GYS2: variants seen among roughly 807,000 people sequenced by gnomAD.
GYS2 encodes the protein glycogen synthase 2.
In GYS2, 80 loss-of-function variants were observed where a neutral mutation model predicts 85.6. That is an observed-to-expected ratio of 0.93 (90% CI 0.78 to 1.13). GYS2 has a LOEUF of 1.13. Ranked by LOEUF, GYS2 falls within the 50% of genes most tolerant of loss-of-function variation. GYS2 has a pLI of 0.00. For synonymous variants in GYS2, 328 were observed against 300.7 expected, an observed-to-expected ratio of 1.09 and a Z score of -0.94; for missense variants, 881 against 854.9, an observed-to-expected ratio of 1.03 and a Z score of -0.38.
Position 21,563,230 on chromosome 12 carries a change from A to T in GYS2, c.939T>A (p.Tyr313Ter). Residue 313 changes from tyrosine (Y) to a stop codon, truncating the protein, a stop_gained and splice_region_variant, in exon 6 of 16, where the codon TAT becomes TAA. Transcript: ENST00000261195. LOFTEE classifies it high-confidence loss of function. ...RIQDFVRGHF[Y>*]GHLDFDLEKT... ...CTTTTTAATAAAGAAAATCATACCC[A>T]TAGAAATGACCTCGAACAAAATCTT... The T allele has an allele frequency of 1.9e-6, 3 of 1,570,628 alleles. No individual in the cohort carries two copies. The highest frequency in any genetic ancestry group is 2.6e-6 in the Non-Finnish European group (3 of 1,140,442).
chr12:21,588,687 G>A (rs1944600587), intron 1 of GYS2, among the ~76,000 whole-genome samples: 1 of 152,214 alleles, frequency 6.6e-6, no homozygotes, highest in Non-Finnish European at 1.5e-5. Context: ...TAGAACACAT[G>A]AGGAGGAAGC....
intron 11 of GYS2, among the ~76,000 whole-genome samples, chr12:21,554,885 G>A (rs1944159221): frequency 6.6e-6 from 1 of 152,126 alleles, no homozygotes; most frequent in African/African-American, 2.4e-5. Flanking sequence ...GATCAGCAAG[G>A]CATTCTTCAT....
intron 14 of GYS2, 94 bp downstream of exon 14, chr12:21,540,316 T>C (rs1943957214): frequency 9.3e-7 from 1 of 1,069,896 alleles, no homozygotes; most frequent in Non-Finnish European, 1.4e-6. Flanking sequence ...ATTATAATAT[T>C]GGATTAACTT....
chr12:21,561,613 TAAATA>T (rs1944254220), intron 7 of GYS2, among the ~76,000 whole-genome samples: 1 of 152,178 alleles, frequency 6.6e-6, no homozygotes, highest in Non-Finnish European at 1.5e-5. Flanking sequence ...TTCATATCTA[TAAATA>T]AAGTGAATAT....
chr12:21,533,808 G>A (rs1943886294), downstream of GYS2, among the ~76,000 whole-genome samples: 1 of 152,176 alleles, frequency 6.6e-6, no homozygotes, highest in African/African-American at 2.4e-5. Context: ...AAACTGTGTG[G>A]CTTATAAACA....
intron 1 of GYS2, among the ~76,000 whole-genome samples, chr12:21,585,963 G>A (rs975963413): frequency 6.6e-6 from 1 of 152,266 alleles, no homozygotes; most frequent in South Asian, 2.1e-4. Flanking sequence ...GATAATGTAT[G>A]ACCTCAGGGG....
rs1320083406 is a variant in GYS2 at position 21,580,778 on chromosome 12, CAA to C, written c.122-257_122-256del. Reference sequence around the variant, plus strand: ...GTGAAATAGCAGCAGGCTGATGCCGCAAAGAGGTCAAATACCTCAAAAAGAAA... The same window carrying C: ...GTGAAATAGCAGCAGGCTGATGCCGCAGAGGTCAAATACCTCAAAAAGAAA... On this transcript the variant is annotated intron_variant, in intron 1 of 15. Coordinates refer to ENST00000261195, the MANE Select transcript of GYS2 (RefSeq NM_021957.4). Among the ~76,000 whole-genome samples the C allele has an allele frequency of 7.2e-5, 11 of 152,302 alleles. No homozygotes were observed. The South Asian group carries it at 2.3e-3, about 32-fold the overall frequency.
intron 1 of GYS2, among the ~76,000 whole-genome samples, chr12:21,590,255 A>G (rs1944621766): frequency 6.6e-6 from 1 of 152,132 alleles, no homozygotes; most frequent in African/African-American, 2.4e-5. Context: ...CCAGCCTATG[A>G]TAGCCGGTGT....
rs1943914422 is a variant in GYS2 at position 21,536,744 on chromosome 12, T to C, written c.*210A>G. On this transcript the variant is annotated 3_prime_UTR_variant, in exon 16 of 16. Coordinates refer to ENST00000261195, the MANE Select transcript of GYS2 (RefSeq NM_021957.4). The stretch of plus-strand genomic sequence containing the variant: ...GAGTGCTCCTCCTCATGCCTAACTT[T>C]ATGGGGGAAACAAGAGTTGGGGAAA... 3 of 588,248 alleles carry C rather than the reference T, an allele frequency of 5.1e-6. No individual in the cohort carries two copies. The highest frequency in any genetic ancestry group is 9.0e-6 in the Non-Finnish European group (3 of 331,570). 36.4% of individuals were successfully genotyped at this position (588,248 alleles called of 1,614,324 possible).
chr12:21,586,661 A>G (rs1342278208), intron 1 of GYS2, among the ~76,000 whole-genome samples: 2 of 152,186 alleles, frequency 1.3e-5, no homozygotes, highest in Non-Finnish European at 2.9e-5. Flanking sequence ...ATCATTATAA[A>G]GTTCAAAAAC....
downstream of GYS2, among the ~76,000 whole-genome samples, chr12:21,533,284 T>C (rs1943882051): frequency 6.6e-6 from 1 of 152,228 alleles, no homozygotes; most frequent in South Asian, 2.1e-4. Flanking sequence ...CATCATTGTG[T>C]TCCTAAGAGA....
At chr12:21,537,460 C>A in intron 15 of GYS2, 1 of 411,562 alleles carries the variant, frequency 2.4e-6, no homozygotes, top group Non-Finnish European at 4.5e-6. Flanking sequence ...TTTTTCAGTA[C>A]AGAAGAAAAT....
At chr12:21,562,803 T>G in intron 7 of GYS2, 115 bp downstream of exon 7, 1 of 1,109,314 alleles carries the variant, frequency 9.0e-7, no homozygotes, top group Non-Finnish European at 1.3e-6. Context: ...ATTTTTAGAA[T>G]ACGATTATCG....
Position 21,569,011 on chromosome 12 carries a change from T to G in GYS2, c.679-2A>C. 1 of 1,614,086 alleles carries G rather than the reference T, an allele frequency of 6.2e-7. No individual in the cohort carries two copies. The highest frequency in any genetic ancestry group is 8.5e-7 in the Non-Finnish European group (1 of 1,179,934). ...CCCAGCCTCTTTGTCAATGTTAAAC[T>G]GTTAGAAACAAAAATAAAACACACA... On this transcript the variant is annotated splice_acceptor_variant, in intron 4 of 15. Coordinates refer to ENST00000261195, the MANE Select transcript of GYS2 (RefSeq NM_021957.4). LOFTEE classifies it high-confidence loss of function.
At chr12:21,574,122 G>A (rs1351462984) in intron 4 of GYS2, 22 bp downstream of exon 4, 1 of 1,562,084 alleles carries the variant, frequency 6.4e-7, no homozygotes, top group South Asian at 1.1e-5. Context: ...TGAGTAAGAG[G>A]GAGGGAGGAA....
At chr12:21,562,806 G>C (rs558849452) in intron 7 of GYS2, 112 bp downstream of exon 7, 1 of 1,133,154 alleles carries the variant, frequency 8.8e-7, no homozygotes, top group Non-Finnish European at 1.3e-6. Flanking sequence ...TTTAGAATAC[G>C]ATTATCGTTT....
chr12:21,537,724 C>T (rs1943926635), intron 15 of GYS2, among the ~76,000 whole-genome samples: 1 of 152,188 alleles, frequency 6.6e-6, no homozygotes, highest in Non-Finnish European at 1.5e-5. Flanking sequence ...CTCTACAATT[C>T]CACTAGTTGC....
chr12:21,541,679 G>A (rs1009361544), intron 13 of GYS2, among the ~76,000 whole-genome samples: 11 of 152,040 alleles, frequency 7.2e-5, no homozygotes, highest in Non-Finnish European at 1.3e-4. Flanking sequence ...TTATCTGTGG[G>A]CCACATATTT....
intron 7 of GYS2, among the ~76,000 whole-genome samples, chr12:21,561,479 C>G (rs1346404843): frequency 6.7e-6 from 1 of 148,826 alleles, no homozygotes; most frequent in Non-Finnish European, 1.5e-5. Flanking sequence ...GGAAACTCAC[C>G]CTAGGAACAG....
Sources: allele counts gnomAD v4.1 joint callset (sites outside exome capture counted in the v4.1 genomes callset), GRCh38; gene constraint gnomAD v4.1.1; transcripts MANE v1.5; gene names NCBI Gene and HGNC (gene_info 2026-07-23, HGNC 2026-07-21).